RAP1GAP2: variants seen among roughly 807,000 people sequenced by gnomAD.
The protein encoded by RAP1GAP2 is rap1 GTPase-activating protein 2.
A neutral mutation model predicts 95.0 loss-of-function variants in RAP1GAP2; 27 were observed. The ratio of observed to expected loss-of-function variants is 0.28; its 90% CI spans 0.21 to 0.39. The LOEUF (loss-of-function observed/expected upper bound fraction) is 0.39. Ranked by LOEUF, RAP1GAP2 falls within the 10% of genes least tolerant of loss-of-function variation. The pLI is 1.00. For missense variants in RAP1GAP2, 771 were observed against 970.0 expected (o/e 0.79, Z 2.72); for synonymous variants, 373 against 380.9 (o/e 0.98, Z 0.24).
At chr17:2,936,155 G>A (rs570300201) in intron 3 of RAP1GAP2, among the ~76,000 whole-genome samples, 2 of 150,336 alleles carry the variant, frequency 1.3e-5, no homozygotes, top group East Asian at 3.9e-4. Flanking sequence ...TGTGCACAAC[G>A]TGCAGGTTTG....
Position 2,873,274 on chromosome 17 carries a change from A to C in RAP1GAP2, c.81-32010A>C, listed in dbSNP as rs192835595. Among the ~76,000 whole-genome samples the C allele has an allele frequency of 8.1e-3, 1,175 of 145,354 alleles. 10 individuals are homozygous for C. Among genetic ancestry groups the C allele is most frequent in the Non-Finnish European group, 0.011 (742 of 66,718 alleles). On this transcript the variant is annotated intron_variant, in intron 2 of 24. Coordinates refer to ENST00000254695, the MANE Select transcript of RAP1GAP2 (RefSeq NM_015085.5). ...CAGGAGTTCGAGACCAGCCTGGGCAACATGGTGAAACCCTATCTCTACCAA... is the reference window on the plus strand; with the variant it reads ...CAGGAGTTCGAGACCAGCCTGGGCACCATGGTGAAACCCTATCTCTACCAA...
intron 3 of RAP1GAP2, among the ~76,000 whole-genome samples, chr17:2,946,049 C>G (rs899882244): frequency 3.2e-4 from 48 of 152,112 alleles, no homozygotes; most frequent in African/African-American, 1.2e-3. Flanking sequence ...CCTCAGCCTC[C>G]CAAAGTGCTG....
intron 3 of RAP1GAP2, among the ~76,000 whole-genome samples, chr17:2,955,098 G>GT (rs1318072398): frequency 1.3e-5 from 2 of 152,208 alleles, no homozygotes; most frequent in East Asian, 3.8e-4. Context: ...TTGTGTACAA[G>GT]TATTTGCTTG....
intron 8 of RAP1GAP2, among the ~76,000 whole-genome samples, chr17:2,975,981 C>T (rs921713559): frequency 3.9e-5 from 6 of 152,208 alleles, no homozygotes; most frequent in Admixed American, 2.6e-4. Context: ...AAAGAGGGCA[C>T]GTTCTGTTTT....
chr17:2,808,308 C>T (rs371476529), intron 2 of RAP1GAP2, among the ~76,000 whole-genome samples: 3 of 152,144 alleles, frequency 2.0e-5, no homozygotes, highest in African/African-American at 7.2e-5. Context: ...TGAGGACTCT[C>T]AGAAGGCTTC....
intron 19 of RAP1GAP2, among the ~76,000 whole-genome samples, chr17:3,022,850 T>C (rs2047001951): frequency 6.6e-6 from 1 of 152,250 alleles, no homozygotes; most frequent in Non-Finnish European, 1.5e-5. Context: ...TGTTTTCTTT[T>C]AGGAGTTTCT....
At chr17:2,951,461 G>A (rs2043921409) in intron 3 of RAP1GAP2, among the ~76,000 whole-genome samples, 2 of 152,210 alleles carry the variant, frequency 1.3e-5, no homozygotes, top group Admixed American at 1.3e-4. Context: ...GCTCACACCT[G>A]TAATCCCAGC....
chr17:3,021,737 G>A (rs1019222002), intron 19 of RAP1GAP2, among the ~76,000 whole-genome samples: 2 of 152,166 alleles, frequency 1.3e-5, no homozygotes, highest in African/African-American at 2.4e-5. Flanking sequence ...ACCCGGCCAC[G>A]GTATTTGTCT....
At chr17:2,838,539 G>A (rs993416495) in intron 2 of RAP1GAP2, among the ~76,000 whole-genome samples, 1 of 152,114 alleles carries the variant, frequency 6.6e-6, no homozygotes, top group African/African-American at 2.4e-5. Flanking sequence ...TTGACCCCTC[G>A]GGATGTGTGG....
In RAP1GAP2 at chr17:2,903,479, C is replaced by T. The variant is rs576038481; in HGVS notation, c.81-1805C>T. Among the ~76,000 whole-genome samples, 35 of 152,242 alleles carry T rather than the reference C, an allele frequency of 2.3e-4. No homozygotes were observed. Among genetic ancestry groups the T allele is most frequent in the African/African-American group, 6.5e-4 (27 of 41,542 alleles). ...AGCTGAGAGGTAGCAGGAGCTGGTG[C>T]CTGCTTTTGTGTGTGTGTGAGAGTG... On this transcript the variant is annotated intron_variant, in intron 2 of 24. Transcript: ENST00000254695. This position sits in a 1 kb window ranked among gnomAD's most constrained non-coding sequence, Gnocchi z 4.1.
chr17:2,912,817 A>G (rs2042434212), intron 3 of RAP1GAP2, among the ~76,000 whole-genome samples: 1 of 152,140 alleles, frequency 6.6e-6, no homozygotes, highest in African/African-American at 2.4e-5. Context: ...ATCTGATTTA[A>G]TGCAGGCATG....
intron 3 of RAP1GAP2, among the ~76,000 whole-genome samples, chr17:2,935,820 G>C (rs1170313114): frequency 6.6e-6 from 1 of 152,200 alleles, no homozygotes; most frequent in Non-Finnish European, 1.5e-5. Flanking sequence ...AGGCTGGTCT[G>C]TCTGACGCTC....
intron 2 of RAP1GAP2, among the ~76,000 whole-genome samples, chr17:2,804,522 C>T (rs550265913): frequency 4.4e-4 from 67 of 152,318 alleles, no homozygotes; most frequent in Admixed American, 1.1e-3. Flanking sequence ...GCCCTACTTT[C>T]CCATATTCTT....
At chr17:2,953,933 T>C (rs1007207502) in intron 3 of RAP1GAP2, among the ~76,000 whole-genome samples, 4 of 152,296 alleles carry the variant, frequency 2.6e-5, no homozygotes, top group African/African-American at 9.6e-5. Flanking sequence ...ATAATCAGTT[T>C]TAGAACCTTT....
At chr17:2,888,149 CATA>C (rs1567744765) in intron 2 of RAP1GAP2, among the ~76,000 whole-genome samples, 1 of 152,142 alleles carries the variant, frequency 6.6e-6, no homozygotes, top group African/African-American at 2.4e-5. Context: ...CTAATTGACA[CATA>C]ATAATTATAC....
In RAP1GAP2 at chr17:3,008,819, A is replaced by T. The variant is rs1330350216; in HGVS notation, c.1494+674A>T. 1.3e-5 allele frequency among the ~76,000 whole-genome samples: 2 copies of T among 152,180 alleles called. No individual in the cohort carries two copies. The highest frequency in any genetic ancestry group is 4.8e-5 in the African/African-American group (2 of 41,462). On this transcript the variant is annotated intron_variant, in intron 17 of 24. Coordinates refer to ENST00000254695, the MANE Select transcript of RAP1GAP2 (RefSeq NM_015085.5). The surrounding 1 kb of genome is among the most constrained non-coding windows in gnomAD (Gnocchi z 4.2). Reference sequence around the variant, plus strand: ...GTTGGTCCACGCAGCACGTAGACCCAGCATCTGGCTCGAGCCTGGCTGTCA... The same window carrying T: ...GTTGGTCCACGCAGCACGTAGACCCTGCATCTGGCTCGAGCCTGGCTGTCA...
intron 1 of RAP1GAP2, among the ~76,000 whole-genome samples, chr17:2,759,228 A>T (rs2071202333): frequency 2.0e-5 from 3 of 152,182 alleles, no homozygotes; most frequent in African/African-American, 7.2e-5. Flanking sequence ...GGCAAAGAAC[A>T]TTCTTGAATC....
intron 1 of RAP1GAP2, among the ~76,000 whole-genome samples, chr17:2,756,841 C>T (rs2071157678): frequency 6.6e-6 from 1 of 152,114 alleles, no homozygotes; most frequent in Admixed American, 6.6e-5. Context: ...AGCCGAGGGT[C>T]AGAGAGGGAA....
intron 2 of RAP1GAP2, among the ~76,000 whole-genome samples, chr17:2,853,386 T>G (rs981679781): frequency 1.1e-4 from 16 of 151,714 alleles, no homozygotes; most frequent in Non-Finnish European, 2.2e-4. Context: ...TCTCCCTCTG[T>G]TTTAAAAGCA....
Sources: allele counts gnomAD v4.1 joint callset (sites outside exome capture counted in the v4.1 genomes callset), GRCh38; gene constraint gnomAD v4.1.1; non-coding constraint Gnocchi (gnomAD v3.1); transcripts MANE v1.5; gene names NCBI Gene and HGNC (gene_info 2026-07-23, HGNC 2026-07-21).